Variants in SMAGP observed in about 807,000 individuals in gnomAD.
SMAGP encodes the protein small cell adhesion glycoprotein.
Under a neutral mutation model 10.1 loss-of-function variants are expected in SMAGP, and 7 were observed. The observed-to-expected ratio is 0.70, with a 90% CI of 0.40 to 1.31. The LOEUF is 1.31. Ranked by LOEUF, SMAGP falls within the 50% of genes most tolerant of loss-of-function variation. The probability of loss-of-function intolerance (pLI) is 0.01; values close to 1 mark genes in which losing one functional copy is unlikely to be tolerated. For missense variants in SMAGP, 113 were observed against 116.5 expected (o/e 0.97, Z 0.14); for synonymous variants, 49 against 47.2 (o/e 1.04, Z -0.16).
chr12:51,260,218 T>C (rs545502317), intron 2 of SMAGP, among the ~76,000 whole-genome samples: 1 of 148,238 alleles, frequency 6.7e-6, no homozygotes, highest in Admixed American at 6.7e-5. Context: ...TTTTTTTTTT[T>C]TTTTTTTTTT....
chr12:51,245,958 C>T lies in SMAGP; in HGVS notation c.277G>A (p.Glu93Lys). Residue 93 changes from glutamate to lysine, a missense_variant, in exon 4 of 4, where the codon GAG becomes AAG. Glu to Lys is a moderately conservative substitution (Grantham distance 56, BLOSUM62 1). Transcript: ENST00000603798. ...GGGAGTCATTAGATGAAATATTCCT[C>T]TTTCTCGCTGCCCTTGGCCAAGTCA... ...ESDLAKGSEKEEYFI is the reference protein window; with the variant it reads ...ESDLAKGSEKKEYFI The T allele has an allele frequency of 6.2e-7, 1 of 1,613,652 alleles. No individual in the cohort carries two copies. The highest frequency in any genetic ancestry group is 8.5e-7 in the Non-Finnish European group (1 of 1,179,652).
chr12:51,253,999 T>C (rs995075249), intron 2 of SMAGP, among the ~76,000 whole-genome samples: 2 of 152,086 alleles, frequency 1.3e-5, no homozygotes, highest in South Asian at 2.1e-4. Flanking sequence ...CTACAGGAGA[T>C]TGTAAGGGGC....
intron 2 of SMAGP, among the ~76,000 whole-genome samples, chr12:51,256,721 A>C (rs1305851408): frequency 2.7e-5 from 3 of 112,460 alleles, no homozygotes; most frequent in Non-Finnish European, 5.5e-5. Context: ...ACTCCGTCTC[A>C]AAACAAACAA....
Position 51,245,922 on chromosome 12 carries a change from C to A in SMAGP, c.*19G>T. 6.2e-7 allele frequency: 1 copy of A among 1,606,574 alleles called. No individual in the cohort carries two copies. Among genetic ancestry groups the A allele is most frequent in the South Asian group, 1.1e-5 (1 of 90,710 alleles). On this transcript the variant is annotated 3_prime_UTR_variant, in exon 4 of 4. Transcript: ENST00000603798. ...TTAGCGATGGAGCCAGGAATAAGCTCCTTGGGGCCTGGGAGTCATTAGATG... is the reference window on the plus strand; with the variant it reads ...TTAGCGATGGAGCCAGGAATAAGCTACTTGGGGCCTGGGAGTCATTAGATG...
intron 2 of SMAGP, among the ~76,000 whole-genome samples, chr12:51,267,428 C>T (rs1261798838): frequency 6.6e-6 from 1 of 151,958 alleles, no homozygotes; most frequent in African/African-American, 2.4e-5. Context: ...GACTCAGATC[C>T]CCTTCCTCAC....
intron 2 of SMAGP, among the ~76,000 whole-genome samples, chr12:51,259,204 T>C (rs1441848635): frequency 1.3e-5 from 2 of 152,164 alleles, no homozygotes; most frequent in African/African-American, 4.8e-5. Flanking sequence ...TATGCTTTAT[T>C]GGTGCCTTCT....
At chr12:51,247,073 G>A (rs1238810230) in intron 2 of SMAGP, among the ~76,000 whole-genome samples, 2 of 152,176 alleles carry the variant, frequency 1.3e-5, no homozygotes, top group Non-Finnish European at 2.9e-5. Flanking sequence ...AGGGGCTATA[G>A]AGCCTGACAG....
At position 51,250,515 on chromosome 12, in the gene SMAGP, T is replaced by G. The variant is rs1372775304; in HGVS notation, c.35-3684A>C. ...TTGTTGTTGTGTTTTTTTTTTGTTT[T>G]TTTTTTGTTGTTGTTGTTGAGACAA... On this transcript the variant is annotated intron_variant, in intron 2 of 3. Transcript: ENST00000603798. 6.6e-5 allele frequency among the ~76,000 whole-genome samples: 10 copies of G among 151,646 alleles called. 1 individual carries two copies. In the South Asian group the frequency reaches 2.1e-3, roughly 32 times the overall value.
intron 2 of SMAGP, among the ~76,000 whole-genome samples, chr12:51,258,037 C>G (rs1283349642): frequency 6.6e-6 from 1 of 152,022 alleles, no homozygotes; most frequent in Non-Finnish European, 1.5e-5. Context: ...CATGGTGGCA[C>G]ACACCTGTAA....
intron 2 of SMAGP, among the ~76,000 whole-genome samples, chr12:51,250,828 GATGATGGCAAAA>G (rs1252636051): frequency 6.6e-6 from 1 of 152,132 alleles, no homozygotes; most frequent in Non-Finnish European, 1.5e-5. Flanking sequence ...GCTTTTAACA[GATGATGGCAAAA>G]ATGATGGCAT....
At chr12:51,247,139 T>C (rs1251558531) in intron 2 of SMAGP, among the ~76,000 whole-genome samples, 1 of 152,192 alleles carries the variant, frequency 6.6e-6, no homozygotes, top group African/African-American at 2.4e-5. Flanking sequence ...TTGGGAAAAT[T>C]ACCTAACCTC....
intron 2 of SMAGP, among the ~76,000 whole-genome samples, chr12:51,266,389 C>A: frequency 6.7e-6 from 1 of 149,636 alleles, no homozygotes; most frequent in African/African-American, 2.5e-5. Context: ...GGCCCCAAAG[C>A]ACAAGAATAG....
In SMAGP at chr12:51,269,253, G is replaced by A. The variant is rs781262900; in HGVS notation, c.26C>T (p.Ser9Phe). The A allele has an allele frequency of 4.3e-6, 7 of 1,613,792 alleles. No homozygotes were observed. The African/African-American group carries it at 9.3e-5, about 22-fold the overall frequency. ...GAAAGGCCTTCACCTACCTCTTGGAGAAGGAGTAGTCAGGAGGCTGGTCAT... is the reference window on the plus strand; with the variant it reads ...GAAAGGCCTTCACCTACCTCTTGGAAAAGGAGTAGTCAGGAGGCTGGTCAT... MTSLLTTP[S>F]PREELMTTPI... The change falls in exon 2 of 4, where the codon TCT (serine) becomes TTT (phenylalanine). Residue 9 changes from serine to phenylalanine, a missense_variant. Coordinates refer to ENST00000603798, the MANE Select transcript of SMAGP (RefSeq NM_001031628.2).
At position 51,268,378 on chromosome 12, in the gene SMAGP, G is replaced by T. The variant is rs149877061; in HGVS notation, c.34+867C>A. On this transcript the variant is annotated intron_variant, in intron 2 of 3. Coordinates refer to ENST00000603798, the MANE Select transcript of SMAGP (RefSeq NM_001031628.2). ...CCCTATTTTGTGAATGATGAAACCG[G>T]AGCTTAGAGGTTAGCAATACTATCT... is the stretch of plus-strand genomic sequence containing the variant. Among the ~76,000 whole-genome samples, 539 of 152,042 alleles carry T rather than the reference G, an allele frequency of 3.5e-3. 1 individual carries two copies. The highest frequency in any genetic ancestry group is 0.012 in the African/African-American group (509 of 41,456).
At chr12:51,253,849 T>C (rs1476254748) in intron 2 of SMAGP, among the ~76,000 whole-genome samples, 3 of 152,024 alleles carry the variant, frequency 2.0e-5, no homozygotes, top group Admixed American at 6.6e-5. Flanking sequence ...GAGGTTGCAG[T>C]GAGCCAAGAT....
At chr12:51,262,603 A>G (rs888343581) in intron 2 of SMAGP, among the ~76,000 whole-genome samples, 1 of 152,190 alleles carries the variant, frequency 6.6e-6, no homozygotes, top group Non-Finnish European at 1.5e-5. Flanking sequence ...TTTTTTGTCC[A>G]AACAAAGGAA....
At chr12:51,252,877 G>C (rs990313685) in intron 2 of SMAGP, among the ~76,000 whole-genome samples, 2 of 152,086 alleles carry the variant, frequency 1.3e-5, no homozygotes, top group African/African-American at 4.8e-5. Context: ...GGGGACATGG[G>C]GGAAGTGAGC....
chr12:51,246,568 T>C (rs1944772725), intron 3 of SMAGP, 183 bp downstream of exon 3: 3 of 479,680 alleles, frequency 6.3e-6, no homozygotes, highest in Non-Finnish European at 7.2e-6. Flanking sequence ...CATTTACTGG[T>C]AGTGCCTCTG....
intron 2 of SMAGP, among the ~76,000 whole-genome samples, chr12:51,268,280 TAC>T (rs1944994762): frequency 6.6e-6 from 1 of 152,116 alleles, no homozygotes; most frequent in East Asian, 1.9e-4. Context: ...TACGAGATAC[TAC>T]ACACTCTTCT....
Sources: allele counts gnomAD v4.1 joint callset (sites outside exome capture counted in the v4.1 genomes callset), GRCh38; gene constraint gnomAD v4.1.1; transcripts MANE v1.5; gene names NCBI Gene and HGNC (gene_info 2026-07-23, HGNC 2026-07-21).